Variants in MCOLN1 observed in about 807,000 individuals in gnomAD.
MCOLN1 encodes mucolipin-1.
MCOLN1 carries 50 observed loss-of-function variants against 70.3 expected under a neutral mutation model. That is an observed-to-expected ratio of 0.71 (90% CI 0.57 to 0.90). MCOLN1 has a LOEUF of 0.90. Ranked by LOEUF, MCOLN1 falls within the 40% of genes least tolerant of loss-of-function variation. The probability of loss-of-function intolerance (pLI) is 0.00; values close to 1 mark genes in which losing one functional copy is unlikely to be tolerated. For synonymous variants in MCOLN1, 366 were observed against 341.0 expected (o/e 1.07, Z -0.81); for missense variants, 598 against 803.5 (o/e 0.74, Z 3.09).
In MCOLN1 at chr19:7,528,442, C is replaced by T. The variant is rs192348757; in HGVS notation, c.878-155C>T. Among the ~76,000 whole-genome samples the T allele has an allele frequency of 1.2e-3, 183 of 152,284 alleles. 1 individual carries two copies. The highest frequency in any genetic ancestry group is 0.011 in the Admixed American group (172 of 15,302). ...CCCCAAGCCCCAGACCAGCACTGAC[C>T]GGGGTTCTTGACTCACCCCAAGCAA... On this transcript the variant is annotated intron_variant, in intron 7 of 13. Transcript: ENST00000264079. The surrounding 1 kb of genome is among the most constrained non-coding windows in gnomAD (Gnocchi z 4.2).
intron 5 of MCOLN1, 77 bp downstream of exon 5, chr19:7,527,705 C>A (rs765597088): frequency 8.6e-7 from 1 of 1,162,640 alleles, no homozygotes; most frequent in Non-Finnish European, 1.3e-6. Flanking sequence ...GCAACTACTT[C>A]CCTAAGGTGG....
chr19:7,533,423 T>C, intron 12 of MCOLN1, 100 bp from the exon 13 acceptor site: 1 of 1,521,034 alleles, frequency 6.6e-7, no homozygotes. Flanking sequence ...GGCCCGGAGG[T>C]GGGAAGCGAT....
At position 7,528,561 on chromosome 19, in the gene MCOLN1, C is replaced by T. The variant is rs770615512; in HGVS notation, c.878-36C>T. ...AATGCTAGCCTCCCAAGGCTCCATGCCATCCTTGGCCCTACCCGCTCTGCC... is the reference window on the plus strand; with the variant it reads ...AATGCTAGCCTCCCAAGGCTCCATGTCATCCTTGGCCCTACCCGCTCTGCC... On this transcript the variant is annotated intron_variant, in intron 7 of 13. Transcript: ENST00000264079. This position sits in a 1 kb window ranked among gnomAD's most constrained non-coding sequence, Gnocchi z 4.2. The T allele has an allele frequency of 2.5e-6, 4 of 1,612,912 alleles. No homozygotes were observed. Among genetic ancestry groups the T allele is most frequent in the East Asian group, 4.5e-5 (2 of 44,880 alleles).
chr19:7,529,352 G>A (rs1007278023), intron 10 of MCOLN1, 150 bp downstream of exon 10: 5 of 922,494 alleles, frequency 5.4e-6, no homozygotes, highest in Non-Finnish European at 8.5e-6. Flanking sequence ...ATCTGTCACT[G>A]CACCTGCGCG....
At position 7,525,027 on chromosome 19, in the gene MCOLN1, C is replaced by T. The variant is rs369851101; in HGVS notation, c.98C>T (p.Pro33Leu). 112 of 1,613,908 alleles carry T rather than the reference C, an allele frequency of 6.9e-5. No homozygotes were observed. The highest frequency in any genetic ancestry group is 1.6e-4 in the Middle Eastern group (1 of 6,082). The change falls in exon 2 of 14, where the codon CCG (proline) becomes CTG (leucine). Residue 33 changes from proline to leucine, a missense_variant. Coordinates refer to ENST00000264079, the MANE Select transcript of MCOLN1 (RefSeq NM_020533.3). The surrounding 1 kb of genome is among the most constrained non-coding windows in gnomAD (Gnocchi z 4.2). ...CAGGCGGGGCCTTCACCGGCCCCTCCGACACCCCCAGAAGAGGAAGACCTT... is the reference window on the plus strand; with the variant it reads ...CAGGCGGGGCCTTCACCGGCCCCTCTGACACCCCCAGAAGAGGAAGACCTT... ...GTQAGPSPAP[P>L]TPPEEEDLRR... is the part of the protein sequence containing the mutation.
rs989187446 is a variant in MCOLN1, at chr19:7,525,805, G to T, written c.238-634G>T. The T allele has an allele frequency of 5.9e-6, 1 of 169,690 alleles. No homozygotes were observed. Among genetic ancestry groups the T allele is most frequent in the African/African-American group, 2.4e-5 (1 of 41,574 alleles). 10.5% of individuals were successfully genotyped at this position (169,690 alleles called of 1,614,324 possible). A position where few individuals can be genotyped will look rare whatever the true frequency, so the allele number is the denominator to read the frequency against. On this transcript the variant is annotated intron_variant, in intron 2 of 13. Transcript: ENST00000264079. This position sits in a 1 kb window ranked among gnomAD's most constrained non-coding sequence, Gnocchi z 4.2. ...TGTCCAGGCATGGTGGCTCATGCCT[G>T]TAATGCCAGCACTTTGGGAGGCTGA...
rs570012671 is a variant in MCOLN1, at chr19:7,527,857, T to G, written c.681-7T>G. ...GCCCCTGACCCTCACCCGAGCCTCCTGCCTAGGCTGGTCAATGTCACCATC... is the reference window on the plus strand; with the variant it reads ...GCCCCTGACCCTCACCCGAGCCTCCGGCCTAGGCTGGTCAATGTCACCATC... On this transcript the variant is annotated splice_polypyrimidine_tract_variant and splice_region_variant and intron_variant, in intron 5 of 13. Coordinates refer to ENST00000264079, the MANE Select transcript of MCOLN1 (RefSeq NM_020533.3). 4.3e-6 allele frequency: 7 copies of G among 1,612,316 alleles called. No homozygotes were observed. The Admixed American group carries it at 1.2e-4, about 27-fold the overall frequency.
intron 12 of MCOLN1, among the ~76,000 whole-genome samples, chr19:7,532,869 G>A (rs554442135): frequency 7.5e-4 from 114 of 152,280 alleles, no homozygotes; most frequent in African/African-American, 2.5e-3. Context: ...TACTTCCATC[G>A]CCTCTAGACT....
rs1288902767 is a variant in MCOLN1, at chr19:7,525,360, G to A, written c.237+194G>A. 6.9e-6 allele frequency: 4 copies of A among 576,108 alleles called. No individual in the cohort carries two copies. The highest frequency in any genetic ancestry group is 4.7e-4 in the Middle Eastern group (1 of 2,106). 35.7% of individuals were successfully genotyped at this position (576,108 alleles called of 1,614,324 possible). On this transcript the variant is annotated intron_variant, in intron 2 of 13. Coordinates refer to ENST00000264079, the MANE Select transcript of MCOLN1 (RefSeq NM_020533.3). This position sits in a 1 kb window ranked among gnomAD's most constrained non-coding sequence, Gnocchi z 4.2. The stretch of plus-strand genomic sequence containing the variant: ...TACAAAAAAATTAGCCGTGCGTGGT[G>A]GCGGGTGCCTGTAATCCCAGCTACT...
intron 11 of MCOLN1, among the ~76,000 whole-genome samples, 196 bp from the exon 12 acceptor site, chr19:7,530,090 C>A (rs1484615657): frequency 2.0e-5 from 3 of 151,918 alleles, no homozygotes; most frequent in African/African-American, 4.8e-5. Context: ...GGGACCCCAG[C>A]CTGGGACCCG....
Position 7,526,520 on chromosome 19 carries a change from C to A in MCOLN1, c.319C>A (p.Leu107Met), listed in dbSNP as rs774746066. The change falls in exon 3 of 14, where the codon CTG (leucine) becomes ATG (methionine). Residue 107 changes from leucine (L) to methionine (M), a missense_variant. Physicochemically the swap from Leu to Met is conservative, Grantham distance 15 (BLOSUM62 2). Transcript: ENST00000264079. The surrounding 1 kb of genome is among the most constrained non-coding windows in gnomAD (Gnocchi z 4.6). ...NTIAFRHLFL[L>M]GYSDGADDTF... ...CATCGCCTTCCGACACCTCTTCCTG[C>A]TGGGCTACTCGGACGGAGCGGATGA... 29 of 1,614,146 alleles carry A rather than the reference C, an allele frequency of 1.8e-5. No homozygotes were observed. Among genetic ancestry groups the A allele is most frequent in the Non-Finnish European group, 2.3e-5 (27 of 1,180,050 alleles).
At chr19:7,532,011 C>CT (rs1273032491) in intron 12 of MCOLN1, among the ~76,000 whole-genome samples, 1 of 152,204 alleles carries the variant, frequency 6.6e-6, no homozygotes, top group Non-Finnish European at 1.5e-5. Context: ...CCAGGGCTGT[C>CT]TGATTCCAGA....
In MCOLN1 at chr19:7,526,936, C is replaced by A; in HGVS notation, c.571+10C>A. ...CCGATGGTGGTTACTGGTGAGTGGG[C>A]AGGACGAGGCTTCACTGTTGGGAGC... On this transcript the variant is annotated intron_variant, in intron 4 of 13. Transcript: ENST00000264079. This position sits in a 1 kb window ranked among gnomAD's most constrained non-coding sequence, Gnocchi z 4.6. 1 of 1,613,970 alleles carries A rather than the reference C, an allele frequency of 6.2e-7. No individual in the cohort carries two copies. Among genetic ancestry groups the A allele is most frequent in the Non-Finnish European group, 8.5e-7 (1 of 1,179,982 alleles).
intron 5 of MCOLN1, 101 bp downstream of exon 5, chr19:7,527,729 C>T (rs754653356): frequency 9.2e-7 from 1 of 1,085,016 alleles, no homozygotes; most frequent in Non-Finnish European, 1.4e-6. Context: ...CAGGGCCCCC[C>T]CGCCCGCGCT....
At chr19:7,529,970 C>T (rs886987289) in intron 11 of MCOLN1, among the ~76,000 whole-genome samples, 9 of 152,230 alleles carry the variant, frequency 5.9e-5, no homozygotes, top group African/African-American at 2.2e-4. Context: ...CCCGTGGTCC[C>T]GGCCATTCAC....
At chr19:7,527,369 C>A in intron 4 of MCOLN1, 151 bp from the exon 5 acceptor site, 1 of 667,942 alleles carries the variant, frequency 1.5e-6, no homozygotes, top group Admixed American at 2.4e-5. Context: ...ATGGCTCATT[C>A]AGTAAAACAT....
chr19:7,527,962 T>C lies in MCOLN1; in HGVS notation c.777+2T>C. Reference sequence around the variant, plus strand: ...GACTGCTATACCTTCAGCGTCCTGGTGAGGCCCCCCGGGAACCCACAGGGC... The same window carrying C: ...GACTGCTATACCTTCAGCGTCCTGGCGAGGCCCCCCGGGAACCCACAGGGC... On this transcript the variant is annotated splice_donor_variant, in intron 6 of 13. Transcript: ENST00000264079. LOFTEE classifies it high-confidence loss of function. 1 of 1,612,686 alleles carries C rather than the reference T, an allele frequency of 6.2e-7. No homozygotes were observed. Among genetic ancestry groups the C allele is most frequent in the Non-Finnish European group, 8.5e-7 (1 of 1,178,718 alleles).
chr19:7,528,282 C>A lies in MCOLN1; in HGVS notation c.877+25C>A. The A allele has an allele frequency of 6.2e-6, 10 of 1,602,274 alleles. No homozygotes were observed. The highest frequency in any genetic ancestry group is 8.6e-6 in the Non-Finnish European group (10 of 1,169,330). Reference sequence around the variant, plus strand: ...GGTGAGCCCCTGAGCCCCAGACCAGCACTGACCAGGGGCCCTGGCCTGTCC... The same window carrying A: ...GGTGAGCCCCTGAGCCCCAGACCAGAACTGACCAGGGGCCCTGGCCTGTCC... On this transcript the variant is annotated intron_variant, in intron 7 of 13. Coordinates refer to ENST00000264079, the MANE Select transcript of MCOLN1 (RefSeq NM_020533.3). The surrounding 1 kb of genome is among the most constrained non-coding windows in gnomAD (Gnocchi z 4.2).
chr19:7,529,004 C>T (rs1315393384), intron 9 of MCOLN1, 34 bp downstream of exon 9: 1 of 1,614,020 alleles, frequency 6.2e-7, no homozygotes, highest in African/African-American at 1.3e-5. Flanking sequence ...CCCCAGGTCC[C>T]ATCCCTGCTG....
Sources: gnomAD v4.1 joint callset for allele counts (sites outside exome capture counted in the v4.1 genomes callset) on GRCh38, gnomAD v4.1.1 for gene constraint, Gnocchi (gnomAD v3.1) non-coding constraint, MANE v1.5 for transcripts, NCBI Gene and HGNC (gene_info 2026-07-23, HGNC 2026-07-21) for gene names.